Variants in KCNH5 observed in about 807,000 individuals in gnomAD.
KCNH5 encodes the protein voltage-gated delayed rectifier potassium channel KCNH5.
A neutral mutation model predicts 96.1 loss-of-function variants in KCNH5; 46 were observed. The ratio of observed to expected loss-of-function variants is 0.48; its 90% CI spans 0.38 to 0.61. The LOEUF (loss-of-function observed/expected upper bound fraction) is 0.61. Ranked by LOEUF, KCNH5 falls within the 20% of genes least tolerant of loss-of-function variation. The pLI is 0.00. For synonymous variants in KCNH5, 439 were observed against 449.8 expected (o/e 0.98, Z 0.30); for missense variants, 907 against 1,225.8 (o/e 0.74, Z 3.88).
chr14:62,751,838 A>G (rs1477875437), intron 10 of KCNH5, among the ~76,000 whole-genome samples: 1 of 152,212 alleles, frequency 6.6e-6, no homozygotes, highest in Non-Finnish European at 1.5e-5. Context: ...ATGGGGACCC[A>G]TAGCTGCTTT....
intron 7 of KCNH5, among the ~76,000 whole-genome samples, chr14:62,891,972 G>C (rs951071792): frequency 5.3e-5 from 8 of 152,090 alleles, no homozygotes; most frequent in Non-Finnish European, 8.8e-5. Flanking sequence ...TGTTCCCTGA[G>C]ACACAACAAT....
At chr14:62,807,890 A>G (rs2140004730) in intron 8 of KCNH5, among the ~76,000 whole-genome samples, 1 of 152,200 alleles carries the variant, frequency 6.6e-6, no homozygotes, top group Non-Finnish European at 1.5e-5. Context: ...GGCCTCCTAA[A>G]TGCTTCATAA....
At chr14:62,935,174 A>G (rs1181554632) in intron 7 of KCNH5, among the ~76,000 whole-genome samples, 1 of 152,218 alleles carries the variant, frequency 6.6e-6, no homozygotes, top group African/African-American at 2.4e-5. Flanking sequence ...TCACTGTATG[A>G]AAATTTAAAC....
At chr14:62,753,620 T>C (rs994080331) in intron 10 of KCNH5, among the ~76,000 whole-genome samples, 3 of 152,118 alleles carry the variant, frequency 2.0e-5, no homozygotes, top group Non-Finnish European at 4.4e-5. Flanking sequence ...TAACATACAG[T>C]GGAGCTCCAA....
intron 7 of KCNH5, among the ~76,000 whole-genome samples, chr14:62,946,510 T>G (rs962915327): frequency 1.2e-4 from 18 of 148,826 alleles, no homozygotes; most frequent in African/African-American, 4.1e-4. Flanking sequence ...GTGTTTTTTG[T>G]GTGGTTTTTT....
intron 7 of KCNH5, among the ~76,000 whole-genome samples, chr14:62,899,833 CAA>C (rs10544668): frequency 0.58 from 80,153 of 139,086 alleles, 22,487 homozygotes; most frequent in East Asian, 0.71. Flanking sequence ...GACTCCGTCT[CAA>C]AAAAAAAAAA....
chr14:62,746,027 G>A (rs1885368616), intron 10 of KCNH5, among the ~76,000 whole-genome samples: 1 of 152,176 alleles, frequency 6.6e-6, no homozygotes, highest in African/African-American at 2.4e-5. Context: ...ACAAAATGGG[G>A]GAAGTGGCGA....
At chr14:62,855,474 T>C (rs1422119765) in intron 7 of KCNH5, among the ~76,000 whole-genome samples, 1 of 152,190 alleles carries the variant, frequency 6.6e-6, no homozygotes, top group Non-Finnish European at 1.5e-5. Flanking sequence ...TTGAAATAAG[T>C]CATACCCTCA....
chr14:63,024,157 C>T (rs889105497), intron 1 of KCNH5, among the ~76,000 whole-genome samples: 5 of 151,248 alleles, frequency 3.3e-5, no homozygotes, highest in East Asian at 1.9e-4. Context: ...TGCAGTGAAC[C>T]GAGATCATGC....
In KCNH5 at chr14:62,839,057, A is replaced by G. The variant is rs543234473; in HGVS notation, c.1569+10596T>C. 7.2e-5 allele frequency among the ~76,000 whole-genome samples: 11 copies of G among 152,274 alleles called. No homozygotes were observed. The South Asian group carries it at 1.5e-3, about 20-fold the overall frequency. ...TTATTCTCAGTGTTTATCTTAATGT[A>G]CTCATTAGACATCTTAAATATTCAA... On this transcript the variant is annotated intron_variant, in intron 8 of 10. Coordinates refer to ENST00000322893, the MANE Select transcript of KCNH5 (RefSeq NM_139318.5).
At chr14:63,024,949 C>T (rs923829560) in intron 1 of KCNH5, among the ~76,000 whole-genome samples, 1 of 152,120 alleles carries the variant, frequency 6.6e-6, no homozygotes, top group Middle Eastern at 3.4e-3. Flanking sequence ...AAATTATCTG[C>T]CAATATCCCT....
chr14:62,764,537 AG>A (rs1308533790), intron 10 of KCNH5, among the ~76,000 whole-genome samples: 1 of 152,218 alleles, frequency 6.6e-6, no homozygotes, highest in African/African-American at 2.4e-5. Context: ...ATCAGGCAAG[AG>A]AAAGAAGTAA....
chr14:63,002,634 A>AACAAAAT (rs1392211969), intron 3 of KCNH5, among the ~76,000 whole-genome samples: 2 of 152,118 alleles, frequency 1.3e-5, no homozygotes, highest in African/African-American at 4.8e-5. Context: ...CCCATGGCCT[A>AACAAAAT]AAAAAATAAA....
intron 7 of KCNH5, among the ~76,000 whole-genome samples, chr14:62,876,049 C>G (rs1888366277): frequency 6.6e-6 from 1 of 152,124 alleles, no homozygotes; most frequent in South Asian, 2.1e-4. Flanking sequence ...TGCCTGTAAT[C>G]CCAGCTACCT....
intron 6 of KCNH5, among the ~76,000 whole-genome samples, chr14:62,955,302 C>G (rs759982898): frequency 6.6e-6 from 1 of 152,166 alleles, no homozygotes; most frequent in Non-Finnish European, 1.5e-5. Flanking sequence ...CTGTGCCACA[C>G]ACTTCTATGC....
At chr14:62,988,709 G>A (rs1471206765) in intron 4 of KCNH5, among the ~76,000 whole-genome samples, 2 of 151,950 alleles carry the variant, frequency 1.3e-5, no homozygotes, top group Admixed American at 6.6e-5. Context: ...AAAAAAAAGG[G>A]TATTAGATAT....
intron 9 of KCNH5, among the ~76,000 whole-genome samples, chr14:62,796,536 G>T (rs1329332210): frequency 1.3e-5 from 2 of 152,164 alleles, no homozygotes; most frequent in Admixed American, 1.3e-4. Context: ...GATAGAGATT[G>T]TCTTAGTTTA....
At chr14:63,018,413 T>A (rs912195053) in intron 1 of KCNH5, among the ~76,000 whole-genome samples, 1 of 151,824 alleles carries the variant, frequency 6.6e-6, no homozygotes, top group African/African-American at 2.4e-5. Context: ...TGGGCAGGCA[T>A]AGGGTGAGAC....
chr14:62,779,462 A>C (rs937195019), intron 10 of KCNH5, among the ~76,000 whole-genome samples: 1 of 152,228 alleles, frequency 6.6e-6, no homozygotes, highest in East Asian at 1.9e-4. Flanking sequence ...CTACATCATA[A>C]TAGAGTTCAC....
Sources: allele counts gnomAD v4.1 joint callset (sites outside exome capture counted in the v4.1 genomes callset), GRCh38; gene constraint gnomAD v4.1.1; transcripts MANE v1.5; gene names NCBI Gene and HGNC (gene_info 2026-07-23, HGNC 2026-07-21).